The following SUSD1 variants were observed in gnomAD, a reference collection of about 807,000 sequenced individuals.
SUSD1 encodes the protein sushi domain containing 1.
SUSD1 carries 65 observed loss-of-function variants against 86.9 expected under a neutral mutation model. That is an observed-to-expected ratio of 0.75 (90% CI 0.61 to 0.92). The LOEUF is 0.92. Among genes scored for constraint, SUSD1 ranks in the 40% least tolerant of loss-of-function variants. The pLI, the probability that SUSD1 is intolerant of heterozygous loss-of-function variation, is 0.00. For synonymous variants in SUSD1, 346 were observed against 350.0 expected, an observed-to-expected ratio of 0.99 and a Z score of 0.13; for missense variants, 850 against 929.7, an observed-to-expected ratio of 0.91 and a Z score of 1.11.
At chr9:112,076,548 G>T (rs563485158) in intron 12 of SUSD1, among the ~76,000 whole-genome samples, 2 of 152,184 alleles carry the variant, frequency 1.3e-5, no homozygotes, top group African/African-American at 4.8e-5. Flanking sequence ...CACAAGTTCC[G>T]TTTGATTTGC....
Position 112,098,604 on chromosome 9 carries a change from T to C in SUSD1, c.1340A>G (p.Asn447Ser), listed in dbSNP as rs754793184. Residue 447 changes from asparagine (N) to serine (S), a missense_variant, in exon 10 of 17, where the codon AAC becomes AGC. Coordinates refer to ENST00000374270, the MANE Select transcript of SUSD1 (RefSeq NM_022486.5). ...AGGCACTTGTTCCCTCGTTGTGAAG[T>C]TAAACGATGTTGCATGAGAAAAGTT... ...LANFSHATSF[N>S]FTTREQVPVV... 2.5e-6 allele frequency: 4 copies of C among 1,614,186 alleles called. No homozygotes were observed. In the Admixed American group the frequency reaches 6.7e-5, roughly 27 times the overall value.
chr9:112,172,946 G>C (rs1035435488), intron 1 of SUSD1, among the ~76,000 whole-genome samples: 2 of 152,178 alleles, frequency 1.3e-5, no homozygotes, highest in African/African-American at 4.8e-5. Context: ...GATAAGGAGA[G>C]GGGGCTCAAC....
At chr9:112,046,211 T>C (rs181979100) in intron 15 of SUSD1, among the ~76,000 whole-genome samples, 1 of 152,340 alleles carries the variant, frequency 6.6e-6, no homozygotes, top group Admixed American at 6.5e-5. Context: ...TTAGAGACTT[T>C]CCTCATTAAT....
At chr9:112,126,508 G>A (rs1159813825) in intron 5 of SUSD1, among the ~76,000 whole-genome samples, 2 of 152,156 alleles carry the variant, frequency 1.3e-5, no homozygotes, top group Non-Finnish European at 2.9e-5. Flanking sequence ...TTGTTCTCTA[G>A]GGATTAAGGC....
At chr9:112,080,228 T>C in intron 10 of SUSD1, 63 bp from the exon 11 acceptor site, 2 of 1,192,312 alleles carry the variant, frequency 1.7e-6, no homozygotes, top group Non-Finnish European at 2.5e-6. Context: ...ACCTTTTAAT[T>C]GAGCCATTTT....
chr9:112,042,114 G>C, intron 15 of SUSD1, 154 bp from the exon 16 acceptor site: 1 of 1,541,744 alleles, frequency 6.5e-7, no homozygotes, highest in East Asian at 2.4e-5. Flanking sequence ...TGTGTCCCCT[G>C]AGTTGGCCCT....
intron 15 of SUSD1, among the ~76,000 whole-genome samples, chr9:112,051,337 T>C (rs550622209): frequency 6.6e-6 from 1 of 152,182 alleles, no homozygotes; most frequent in South Asian, 2.1e-4. Context: ...TTCAGTTGTC[T>C]TCCACTAGGG....
intron 3 of SUSD1, among the ~76,000 whole-genome samples, chr9:112,145,790 A>G (rs973462225): frequency 6.6e-6 from 1 of 152,158 alleles, no homozygotes; most frequent in Admixed American, 6.6e-5. Context: ...CCCTCACACA[A>G]GAAGTGCCAC....
intron 12 of SUSD1, among the ~76,000 whole-genome samples, chr9:112,063,246 C>A (rs534739165): frequency 6.6e-6 from 1 of 152,252 alleles, no homozygotes; most frequent in East Asian, 1.9e-4. Context: ...GATGAAAAAT[C>A]TAACATAGGC....
intron 2 of SUSD1, among the ~76,000 whole-genome samples, chr9:112,155,692 T>G (rs115307497): frequency 9.2e-5 from 14 of 151,880 alleles, no homozygotes; most frequent in African/African-American, 2.9e-4. Flanking sequence ...CCAGGTGCGG[T>G]GGCTCATACC....
In SUSD1 at chr9:112,124,407, G is replaced by A. The variant is rs370355977; in HGVS notation, c.736C>T (p.Arg246Trp). 3.1e-6 allele frequency: 5 copies of A among 1,613,814 alleles called. No individual in the cohort carries two copies. The highest frequency in any genetic ancestry group is 1.7e-5 in the Admixed American group (1 of 59,982). Residue 246 changes from arginine to tryptophan, a missense_variant, in exon 6 of 17, where the codon CGG becomes TGG. Physicochemically the swap from Arg to Trp is moderately radical, Grantham distance 101. Transcript: ENST00000374270. ...EINCGNPPEM[R>W]HAILVGNHSS... ...TGATTTCCTACCAAGATGGCGTGCCGCATTTCTGGAGGGTTGCCACAGTTG... is the reference window on the plus strand; with the variant it reads ...TGATTTCCTACCAAGATGGCGTGCCACATTTCTGGAGGGTTGCCACAGTTG...
chr9:112,133,179 G>A (rs2131719612), intron 5 of SUSD1, among the ~76,000 whole-genome samples: 1 of 152,258 alleles, frequency 6.6e-6, no homozygotes, highest in South Asian at 2.1e-4. Flanking sequence ...GGAGACTCAG[G>A]CAGGAAGATC....
intron 1 of SUSD1, among the ~76,000 whole-genome samples, chr9:112,166,748 G>A (rs1461700488): frequency 2.0e-5 from 3 of 152,242 alleles, no homozygotes; most frequent in South Asian, 2.1e-4. Flanking sequence ...TAGTTCTGTC[G>A]TCAGCATACT....
In SUSD1 at chr9:112,168,132, G is replaced by T. The variant is rs1324488434; in HGVS notation, c.103+7001C>A. Among the ~76,000 whole-genome samples, 5 of 152,164 alleles carry T rather than the reference G, an allele frequency of 3.3e-5. No homozygotes were observed. The South Asian group carries it at 1.0e-3, about 32-fold the overall frequency. On this transcript the variant is annotated intron_variant, in intron 1 of 16. Coordinates refer to ENST00000374270, the MANE Select transcript of SUSD1 (RefSeq NM_022486.5). Reference sequence around the variant, plus strand: ...AAACCATATCAATGAGTTAATACATGAAAAGCAATTAAAATGTGTCAGACA... The same window carrying T: ...AAACCATATCAATGAGTTAATACATTAAAAGCAATTAAAATGTGTCAGACA...
intron 3 of SUSD1, among the ~76,000 whole-genome samples, chr9:112,147,637 T>C (rs1271799960): frequency 6.6e-6 from 1 of 151,458 alleles, no homozygotes; most frequent in Non-Finnish European, 1.5e-5. Context: ...GTCGTGGCAG[T>C]GCGCACCTGT....
chr9:112,138,416 G>A (rs1274697261), intron 5 of SUSD1, among the ~76,000 whole-genome samples: 2 of 148,574 alleles, frequency 1.3e-5, no homozygotes, highest in East Asian at 3.9e-4. Context: ...CATAGAATTT[G>A]TAACTCTGAA....
At chr9:112,078,811 C>CAT in intron 11 of SUSD1, 87 bp from the exon 12 acceptor site, 4 of 640,364 alleles carry the variant, frequency 6.2e-6, no homozygotes, top group Non-Finnish European at 7.0e-6. Context: ...TTTTCTTTCT[C>CAT]TTTTTTTTTT....
intron 15 of SUSD1, among the ~76,000 whole-genome samples, chr9:112,046,287 G>T (rs1325684656): frequency 1.3e-5 from 2 of 152,056 alleles, no homozygotes; most frequent in Non-Finnish European, 2.9e-5. Flanking sequence ...ACCATCCTTT[G>T]GTTACCCTAC....
chr9:112,103,690 G>T (rs1235710790), intron 8 of SUSD1, among the ~76,000 whole-genome samples: 2 of 152,168 alleles, frequency 1.3e-5, no homozygotes, highest in African/African-American at 4.8e-5. Context: ...TTTGCATCTG[G>T]GTTGGAAAGA....
Sources: gnomAD v4.1 joint callset for allele counts (sites outside exome capture counted in the v4.1 genomes callset) on GRCh38, gnomAD v4.1.1 for gene constraint, MANE v1.5 for transcripts, NCBI Gene and HGNC (gene_info 2026-07-23, HGNC 2026-07-21) for gene names.